The following CCDC60 variants were observed in gnomAD, a reference collection of about 807,000 sequenced individuals.
CCDC60 encodes the protein coiled-coil domain containing 60, also known as coiled-coil domain-containing protein 60.
In CCDC60, 54 loss-of-function variants were observed where a neutral mutation model predicts 63.5. That is an observed-to-expected ratio of 0.85 (90% CI 0.68 to 1.07). The LOEUF (loss-of-function observed/expected upper bound fraction) is 1.07, where lower values mean the gene tolerates loss of function less well. Ranked by LOEUF, CCDC60 falls within the 50% of genes least tolerant of loss-of-function variation. CCDC60 has a pLI of 0.00. For synonymous variants in CCDC60, 206 were observed against 238.8 expected (o/e 0.86, Z 1.27); for missense variants, 651 against 684.3 (o/e 0.95, Z 0.54).
chr12:119,341,277 A>G (rs932760254), intron 1 of CCDC60, among the ~76,000 whole-genome samples: 1 of 149,332 alleles, frequency 6.7e-6, no homozygotes, highest in African/African-American at 2.5e-5. Context: ...AGCGATCGGC[A>G]CTCTTCATGC....
chr12:119,366,795 A>G (rs946825889), intron 1 of CCDC60, among the ~76,000 whole-genome samples: 2 of 152,064 alleles, frequency 1.3e-5, no homozygotes, highest in Non-Finnish European at 2.9e-5. Context: ...GCCAGAGGAT[A>G]CCTCCTAAGT....
intron 2 of CCDC60, among the ~76,000 whole-genome samples, chr12:119,445,433 C>CAAAAAAAAAAAA (rs58415660): frequency 0.056 from 1,522 of 27,174 alleles, 184 homozygotes; most frequent in Non-Finnish European, 0.073. Flanking sequence ...GACTCCATCT[C>CAAAAAAAAAAAA]AAAAAAAAAA....
chr12:119,379,897 G>A (rs1955990983), intron 1 of CCDC60, among the ~76,000 whole-genome samples: 1 of 152,200 alleles, frequency 6.6e-6, no homozygotes, highest in African/African-American at 2.4e-5. Flanking sequence ...AAATGCAGAT[G>A]TTAATTAAAT....
chr12:119,356,323 T>C (rs1955717885), intron 1 of CCDC60, among the ~76,000 whole-genome samples: 1 of 152,244 alleles, frequency 6.6e-6, no homozygotes, highest in Non-Finnish European at 1.5e-5. Flanking sequence ...CACCTTTTGC[T>C]TTGTTATTAG....
At chr12:119,516,439 T>C (rs1952355704) in intron 7 of CCDC60, among the ~76,000 whole-genome samples, 184 bp from the exon 8 acceptor site, 1 of 152,230 alleles carries the variant, frequency 6.6e-6, no homozygotes, top group Non-Finnish European at 1.5e-5. Context: ...GGGCGTGGCA[T>C]GGTCAGATTT....
At chr12:119,408,864 A>T (rs1956542928) in intron 1 of CCDC60, among the ~76,000 whole-genome samples, 1 of 152,050 alleles carries the variant, frequency 6.6e-6, no homozygotes, top group Non-Finnish European at 1.5e-5. Flanking sequence ...CCGCAATGAC[A>T]TTGGCACCAA....
chr12:119,501,455 G>C (rs1951849905), intron 6 of CCDC60, among the ~76,000 whole-genome samples: 1 of 152,008 alleles, frequency 6.6e-6, no homozygotes, highest in Non-Finnish European at 1.5e-5. Context: ...GTTAATTCTG[G>C]GTCTGTTTAT....
In CCDC60 at chr12:119,488,847, A is replaced by G. The variant is rs759052482; in HGVS notation, c.538A>G (p.Ile180Val). 21 of 1,614,036 alleles carry G rather than the reference A, an allele frequency of 1.3e-5. No homozygotes were observed. The East Asian group carries it at 3.1e-4, about 24-fold the overall frequency. ...DHTHHTMKPV[I>V]TCWNPKDPGG... ...CACCCACCACACCATGAAGCCTGTG[A>G]TCACCTGCTGGAACCCAAAGTATGC... Residue 180 changes from isoleucine to valine, a missense_variant, in exon 5 of 14, where the codon ATC becomes GTC. By Grantham distance (29) the Ile-to-Val change is conservative. Transcript: ENST00000327554.
At chr12:119,416,610 CCT>C (rs1565996946) in intron 1 of CCDC60, among the ~76,000 whole-genome samples, 1 of 152,196 alleles carries the variant, frequency 6.6e-6, no homozygotes, top group African/African-American at 2.4e-5. Flanking sequence ...TTACAGCTTT[CCT>C]CACACAGCTC....
intron 1 of CCDC60, among the ~76,000 whole-genome samples, chr12:119,425,725 C>G (rs919533740): frequency 6.6e-6 from 1 of 152,206 alleles, no homozygotes; most frequent in Non-Finnish European, 1.5e-5. Context: ...TTCCCCATTT[C>G]TAGTCAGTAA....
At chr12:119,344,834 CTT>C (rs1491476128) in intron 1 of CCDC60, among the ~76,000 whole-genome samples, 1,319 of 127,864 alleles carry the variant, frequency 0.01, 20 homozygotes, top group African/African-American at 0.034. Flanking sequence ...CTCTCTCTCT[CTT>C]TCTCTCTCTC....
intron 2 of CCDC60, among the ~76,000 whole-genome samples, chr12:119,457,775 G>A (rs1156922088): frequency 2.0e-5 from 3 of 152,160 alleles, no homozygotes; most frequent in Admixed American, 1.3e-4. Context: ...AATCTGTGTT[G>A]TGACTACAGT....
intron 4 of CCDC60, among the ~76,000 whole-genome samples, chr12:119,485,515 G>A (rs528892443): frequency 3.3e-5 from 5 of 152,330 alleles, no homozygotes; most frequent in African/African-American, 7.2e-5. Context: ...TGCTGTCAGC[G>A]TTGGTTTCTC....
rs557441880 is a variant in CCDC60, at chr12:119,410,046, C to T, written c.91-18637C>T. Among the ~76,000 whole-genome samples the T allele has an allele frequency of 7.6e-4, 116 of 152,330 alleles. No individual in the cohort carries two copies. The highest frequency in any genetic ancestry group is 2.6e-3 in the African/African-American group (107 of 41,582). ...GACTCAAGAGTTTGGCATCAACCTG[C>T]TCCAGCCTCCTTATAGTCCCACGAT... On this transcript the variant is annotated intron_variant, in intron 1 of 13. Coordinates refer to ENST00000327554, the MANE Select transcript of CCDC60 (RefSeq NM_178499.5). The surrounding 1 kb of genome is among the most constrained non-coding windows in gnomAD (Gnocchi z 4.0).
chr12:119,345,156 A>C (rs1246014122), intron 1 of CCDC60, among the ~76,000 whole-genome samples: 1 of 152,172 alleles, frequency 6.6e-6, no homozygotes, highest in Non-Finnish European at 1.5e-5. Flanking sequence ...AGCTCTTTCT[A>C]GTGCTCTCTT....
chr12:119,376,927 C>T (rs4606534), intron 1 of CCDC60, among the ~76,000 whole-genome samples: 16,380 of 151,952 alleles, frequency 0.11, 1,676 homozygotes, highest in East Asian at 0.56. Context: ...TGCAAGCTTC[C>T]ACTAGACAAT....
intron 1 of CCDC60, among the ~76,000 whole-genome samples, chr12:119,343,760 C>T (rs1252057148): frequency 6.6e-6 from 1 of 151,344 alleles, no homozygotes; most frequent in Non-Finnish European, 1.5e-5. Context: ...GAATCTTGAA[C>T]GTTGGCTGGA....
intron 6 of CCDC60, among the ~76,000 whole-genome samples, chr12:119,502,861 C>T (rs1244998107): frequency 1.3e-5 from 2 of 152,188 alleles, no homozygotes; most frequent in Non-Finnish European, 2.9e-5. Flanking sequence ...CACCATCTGT[C>T]CACCCTTCAA....
chr12:119,510,537 C>T (rs1477953580), intron 7 of CCDC60, among the ~76,000 whole-genome samples: 7 of 152,120 alleles, frequency 4.6e-5, no homozygotes, highest in Non-Finnish European at 8.8e-5. Flanking sequence ...ACTTAAAATG[C>T]ATCTCACTGT....
Sources: gnomAD v4.1 joint callset for allele counts (sites outside exome capture counted in the v4.1 genomes callset) on GRCh38, gnomAD v4.1.1 for gene constraint, Gnocchi (gnomAD v3.1) non-coding constraint, MANE v1.5 for transcripts, NCBI Gene and HGNC (gene_info 2026-07-23, HGNC 2026-07-21) for gene names.